DCUN1D3: variants seen among roughly 807,000 people sequenced by gnomAD.
DCUN1D3 encodes the protein defective in cullin neddylation 1 domain containing 3, also known as DCN1-like protein 3.
In DCUN1D3, 6 loss-of-function variants were observed where a neutral mutation model predicts 24.8. The observed-to-expected ratio is 0.24, with a 90% CI of 0.13 to 0.48. The LOEUF is 0.48. DCUN1D3 is among the 20% of genes least tolerant of loss of function. The pLI is 0.99. For synonymous variants in DCUN1D3, 120 were observed against 144.9 expected, an observed-to-expected ratio of 0.83 and a Z score of 1.24; for missense variants, 258 against 379.4, an observed-to-expected ratio of 0.68 and a Z score of 2.66.
chr16:20,889,290 G>A (rs1000177459), intron 1 of DCUN1D3, among the ~76,000 whole-genome samples: 3 of 151,912 alleles, frequency 2.0e-5, no homozygotes, highest in Non-Finnish European at 4.4e-5. Flanking sequence ...TACTCGGGAA[G>A]CTGAGGTAGG....
intron 1 of DCUN1D3, among the ~76,000 whole-genome samples, chr16:20,868,300 T>C (rs145652614): frequency 1.3e-5 from 2 of 152,306 alleles, no homozygotes; most frequent in African/African-American, 4.8e-5. Flanking sequence ...TATATATAAA[T>C]GTAGCTCTGT....
In DCUN1D3 at chr16:20,859,711, A is replaced by T. The variant is rs932709085; in HGVS notation, c.*175T>A. Reference sequence around the variant, plus strand: ...GGAAATAACCAAAATAACCAAAAAAATGAAGAAAGTGCCTAAAACATGATA... The same window carrying T: ...GGAAATAACCAAAATAACCAAAAAATTGAAGAAAGTGCCTAAAACATGATA... On this transcript the variant is annotated 3_prime_UTR_variant, in exon 3 of 3. Transcript: ENST00000324344. 2.4e-6 allele frequency: 2 copies of T among 841,020 alleles called. No individual in the cohort carries two copies. The highest frequency in any genetic ancestry group is 3.4e-6 in the Non-Finnish European group (2 of 590,130). The allele number at this position is 841,020 out of a possible 1,614,324, so 52.1% of individuals were successfully genotyped here.
chr16:20,867,077 C>T (rs1018975140), intron 1 of DCUN1D3, among the ~76,000 whole-genome samples: 11 of 152,204 alleles, frequency 7.2e-5, no homozygotes, highest in African/African-American at 2.4e-4. Flanking sequence ...AGGCACTATG[C>T]TAAGCACTTT....
At chr16:20,877,220 T>C (rs961619161) in intron 1 of DCUN1D3, among the ~76,000 whole-genome samples, 1 of 152,102 alleles carries the variant, frequency 6.6e-6, no homozygotes, top group African/African-American at 2.4e-5. Flanking sequence ...ACATATATTA[T>C]TTATCAATTA....
rs767028379 is a variant in DCUN1D3, at chr16:20,862,418, C to A, written c.121G>T (p.Val41Leu). Residue 41 changes from valine to leucine, a missense_variant, in exon 2 of 3, where the codon GTA becomes TTA. Val to Leu is a conservative substitution (Grantham distance 32). Coordinates refer to ENST00000324344, the MANE Select transcript of DCUN1D3 (RefSeq NM_173475.4). ...RRGAGHREEQVPPCGKPGGDI... is the reference protein window; with the variant it reads ...RRGAGHREEQLPPCGKPGGDI... ...CCACCTGGCTTGCCACAGGGTGGTACCTGCTCCTCACGGTGGCCTGCACCC... is the reference window on the plus strand; with the variant it reads ...CCACCTGGCTTGCCACAGGGTGGTAACTGCTCCTCACGGTGGCCTGCACCC... 5.0e-6 allele frequency: 8 copies of A among 1,613,806 alleles called. No individual in the cohort carries two copies. In the South Asian group the frequency reaches 5.5e-5, roughly 11 times the overall value.
intron 1 of DCUN1D3, among the ~76,000 whole-genome samples, chr16:20,865,605 G>C (rs2081757815): frequency 6.6e-6 from 1 of 152,190 alleles, no homozygotes; most frequent in Non-Finnish European, 1.5e-5. Flanking sequence ...GCAGGAAACA[G>C]ACACTAAACA....
chr16:20,859,953 C>T lies in DCUN1D3; in HGVS notation c.848G>A (p.Arg283Lys), dbSNP rs1339819017. ...FVEWEMERRK[R>K]EGEGRGALSS... Reference sequence around the variant, plus strand: ...GAGTGCACCTCTCCCTTCCCCTTCTCTTTTCCTTCGCTCCATTTCCCACTC... The same window carrying T: ...GAGTGCACCTCTCCCTTCCCCTTCTTTTTTCCTTCGCTCCATTTCCCACTC... The change falls in exon 3 of 3, where the codon AGA becomes AAA. Residue 283 changes from arginine (R) to lysine (K), a missense_variant. Arg to Lys is a conservative substitution (Grantham distance 26). Coordinates refer to ENST00000324344, the MANE Select transcript of DCUN1D3 (RefSeq NM_173475.4). 6.2e-7 allele frequency: 1 copy of T among 1,614,118 alleles called. No individual in the cohort carries two copies. Among genetic ancestry groups the T allele is most frequent in the Non-Finnish European group, 8.5e-7 (1 of 1,180,054 alleles).
chr16:20,869,307 AC>A (rs2081777234), intron 1 of DCUN1D3, among the ~76,000 whole-genome samples: 1 of 152,274 alleles, frequency 6.6e-6, no homozygotes, highest in Admixed American at 6.5e-5. Context: ...GAGACTCTGT[AC>A]AAATGCAGAC....
intron 1 of DCUN1D3, among the ~76,000 whole-genome samples, chr16:20,896,038 T>A (rs1460558450): frequency 6.6e-6 from 1 of 152,204 alleles, no homozygotes; most frequent in Non-Finnish European, 1.5e-5. Flanking sequence ...ACATGAGATA[T>A]TCAATATTTT....
intron 2 of DCUN1D3, among the ~76,000 whole-genome samples, chr16:20,861,571 A>C (rs1219347464): frequency 1.3e-5 from 2 of 152,154 alleles, no homozygotes. Flanking sequence ...AAAGGAGTAA[A>C]AGAAAAGAAA....
At chr16:20,876,260 C>T (rs1182664373) in intron 1 of DCUN1D3, among the ~76,000 whole-genome samples, 1 of 152,100 alleles carries the variant, frequency 6.6e-6, no homozygotes, top group African/African-American at 2.4e-5. Flanking sequence ...AGCCACTGTG[C>T]CCGACTCTAA....
At chr16:20,862,695 G>T in intron 1 of DCUN1D3, 52 bp from the exon 2 acceptor site, 4 of 1,457,996 alleles carry the variant, frequency 2.7e-6, no homozygotes, top group Non-Finnish European at 3.6e-6. Flanking sequence ...ATGGGGTATG[G>T]ACCCTACCTT....
At chr16:20,867,053 C>G (rs1350941524) in intron 1 of DCUN1D3, among the ~76,000 whole-genome samples, 1 of 152,194 alleles carries the variant, frequency 6.6e-6, no homozygotes, top group Non-Finnish European at 1.5e-5. Context: ...TTATTGAGCA[C>G]TTGATACGGT....
At chr16:20,891,645 G>A (rs1414908593) in intron 1 of DCUN1D3, among the ~76,000 whole-genome samples, 2 of 152,298 alleles carry the variant, frequency 1.3e-5, no homozygotes, top group Non-Finnish European at 1.5e-5. Flanking sequence ...GTGGAGTGGG[G>A]AGAAATGCCC....
chr16:20,879,828 G>A (rs1043658979), intron 1 of DCUN1D3, among the ~76,000 whole-genome samples: 4 of 152,148 alleles, frequency 2.6e-5, no homozygotes, highest in Non-Finnish European at 4.4e-5. Context: ...GTTATGACTC[G>A]GTATTGCCAA....
rs1362601013 is a variant in DCUN1D3, at chr16:20,859,712, T to G, written c.*174A>C. On this transcript the variant is annotated 3_prime_UTR_variant, in exon 3 of 3. Transcript: ENST00000324344. ...GAAATAACCAAAATAACCAAAAAAATGAAGAAAGTGCCTAAAACATGATAC... is the reference window on the plus strand; with the variant it reads ...GAAATAACCAAAATAACCAAAAAAAGGAAGAAAGTGCCTAAAACATGATAC... 5 of 843,198 alleles carry G rather than the reference T, an allele frequency of 5.9e-6. No homozygotes were observed. The Admixed American group carries it at 1.8e-4, about 30-fold the overall frequency. The allele number at this position is 843,198 out of a possible 1,614,324, so 52.2% of individuals were successfully genotyped here.
intron 1 of DCUN1D3, among the ~76,000 whole-genome samples, chr16:20,867,721 C>T (rs142008803): frequency 6.6e-6 from 1 of 152,306 alleles, no homozygotes; most frequent in African/African-American, 2.4e-5. Flanking sequence ...ATCTGGTTAG[C>T]CTGTTGGAAG....
intron 1 of DCUN1D3, among the ~76,000 whole-genome samples, chr16:20,883,452 G>C (rs957220446): frequency 5.9e-5 from 9 of 152,158 alleles, no homozygotes; most frequent in Non-Finnish European, 1.0e-4. Context: ...GGCGGAGCTT[G>C]CAGTGAGCCG....
chr16:20,866,849 C>T (rs941825509), intron 1 of DCUN1D3, among the ~76,000 whole-genome samples: 1 of 152,156 alleles, frequency 6.6e-6, no homozygotes, highest in Non-Finnish European at 1.5e-5. Context: ...CTGATTACTG[C>T]CCAGTGGTCT....
Sources: gnomAD v4.1 joint callset for allele counts (sites outside exome capture counted in the v4.1 genomes callset) on GRCh38, gnomAD v4.1.1 for gene constraint, MANE v1.5 for transcripts, NCBI Gene and HGNC (gene_info 2026-07-23, HGNC 2026-07-21) for gene names.